Variants in SH3RF2 observed in about 807,000 individuals in gnomAD.
SH3RF2 encodes E3 ubiquitin-protein ligase SH3RF2.
SH3RF2 carries 43 observed loss-of-function variants against 59.0 expected under a neutral mutation model. The observed-to-expected ratio is 0.73, with a 90% CI of 0.57 to 0.94. SH3RF2 has a LOEUF of 0.94. SH3RF2 is among the 40% of genes least tolerant of loss of function. The probability of loss-of-function intolerance (pLI) is 0.00; values close to 1 mark genes in which losing one functional copy is unlikely to be tolerated. For missense variants in SH3RF2, 930 were observed against 940.1 expected (o/e 0.99, Z 0.14); for synonymous variants, 391 against 391.5 (o/e 1.00, Z 0.01).
At chr5:146,052,523 A>G (rs1762535844) in intron 7 of SH3RF2, among the ~76,000 whole-genome samples, 1 of 152,188 alleles carries the variant, frequency 6.6e-6, no homozygotes, top group African/African-American at 2.4e-5. Flanking sequence ...ACATTGAGGC[A>G]TGGTTTTGTT....
chr5:146,069,831 C>T (rs1176785690), intron 9 of SH3RF2, among the ~76,000 whole-genome samples: 1 of 152,108 alleles, frequency 6.6e-6, no homozygotes, highest in African/African-American at 2.4e-5. Context: ...GCCTCACCCT[C>T]CCAAAGTGCT....
At chr5:145,981,484 C>T (rs921253828) in intron 2 of SH3RF2, among the ~76,000 whole-genome samples, 28 of 152,298 alleles carry the variant, frequency 1.8e-4, no homozygotes, top group African/African-American at 6.7e-4. Context: ...TCCTAAATCT[C>T]TTAAGCTCTA....
Position 145,985,028 on chromosome 5 carries a change from T to C in SH3RF2, c.379-15030T>C, listed in dbSNP as rs538164057. ...AAAATTAGCTGAGCATGGTGGCACA[T>C]GCCTATAGCCCCAGCTATTTGGGAG... On this transcript the variant is annotated intron_variant, in intron 2 of 9. Coordinates refer to ENST00000359120, the MANE Select transcript of SH3RF2 (RefSeq NM_152550.4). 2.0e-5 allele frequency among the ~76,000 whole-genome samples: 3 copies of C among 152,286 alleles called. No homozygotes were observed. In the South Asian group the frequency reaches 6.2e-4, roughly 32 times the overall value.
At position 146,056,179 on chromosome 5, in the gene SH3RF2, G is replaced by C. The variant is rs145875307; in HGVS notation, c.1521G>C (p.Gly507=). Residue 507 remains glycine, a synonymous_variant, in exon 8 of 10, where the codon GGG becomes GGC. Transcript: ENST00000359120. ...STAGPGTLGQ[G]SLRKGRSSMR... ...CCGGCCCTGGGACTTTAGGACAAGG[G>C]TCTCTTCGGAAAGGGCGGAGCAGCA... 3.5e-5 allele frequency: 57 copies of C among 1,614,106 alleles called. No individual in the cohort carries two copies. The African/African-American group carries it at 7.1e-4, about 20-fold the overall frequency.
intron 2 of SH3RF2, among the ~76,000 whole-genome samples, chr5:145,973,453 C>T (rs1259105017): frequency 6.6e-6 from 1 of 152,188 alleles, no homozygotes; most frequent in Non-Finnish European, 1.5e-5. Context: ...TCTTTTGAGG[C>T]TCTTTCACTC....
rs148982005 is a variant in SH3RF2 at position 145,976,720 on chromosome 5, C to T, written c.379-23338C>T. On this transcript the variant is annotated intron_variant, in intron 2 of 9. Transcript: ENST00000359120. Reference sequence around the variant, plus strand: ...CTTAGCCACTGTCACATAGTTAGCCCAGGCAAGACTAAAACATGATACAAA... The same window carrying T: ...CTTAGCCACTGTCACATAGTTAGCCTAGGCAAGACTAAAACATGATACAAA... Among the ~76,000 whole-genome samples the T allele has an allele frequency of 4.3e-3, 652 of 152,304 alleles. 4 individuals are homozygous for T. Among genetic ancestry groups the T allele is most frequent in the African/African-American group, 0.015 (629 of 41,570 alleles).
intron 5 of SH3RF2, among the ~76,000 whole-genome samples, chr5:146,019,443 T>C (rs1282471499): frequency 6.6e-6 from 1 of 152,198 alleles, no homozygotes; most frequent in African/African-American, 2.4e-5. Context: ...TATTTCTGGG[T>C]TCTCTATTCT....
chr5:146,019,241 C>A (rs6872997), intron 5 of SH3RF2, among the ~76,000 whole-genome samples: 38 of 151,888 alleles, frequency 2.5e-4, no homozygotes, highest in Non-Finnish European at 3.7e-4. Flanking sequence ...TTATGGTTTC[C>A]GGTCTTAGAT....
At chr5:145,988,995 A>G (rs11958598) in intron 2 of SH3RF2, among the ~76,000 whole-genome samples, 3,230 of 152,300 alleles carry the variant, frequency 0.021, 63 homozygotes, top group Non-Finnish European at 0.034. Flanking sequence ...CAGCAACTAC[A>G]AAGTTAGGGT....
chr5:145,992,266 T>C (rs1759968660), intron 2 of SH3RF2, among the ~76,000 whole-genome samples: 2 of 152,072 alleles, frequency 1.3e-5, no homozygotes, highest in African/African-American at 4.8e-5. Context: ...TCACAGCTAC[T>C]TGGGGGGCTG....
intron 2 of SH3RF2, among the ~76,000 whole-genome samples, chr5:145,940,745 T>C (rs1757785124): frequency 6.6e-6 from 1 of 152,250 alleles, no homozygotes; most frequent in South Asian, 2.1e-4. Flanking sequence ...AAGCCACTTA[T>C]GTTTGCTGGG....
At chr5:146,078,086 TA>T (rs923238812) in intron 9 of SH3RF2, among the ~76,000 whole-genome samples, 1 of 151,916 alleles carries the variant, frequency 6.6e-6, no homozygotes, top group Middle Eastern at 3.2e-3. Flanking sequence ...ATTATGGAAT[TA>T]AAAAAAATAA....
At position 145,997,184 on chromosome 5, in the gene SH3RF2, T is replaced by C. The variant is rs1452829533; in HGVS notation, c.379-2874T>C. 5.3e-6 allele frequency: 4 copies of C among 756,672 alleles called. 1 individual carries two copies. The highest frequency in any genetic ancestry group is 3.0e-5 in the South Asian group (2 of 66,052). The allele number at this position is 756,672 out of a possible 1,614,324, so 46.9% of individuals were successfully genotyped here. A position where few individuals can be genotyped will look rare whatever the true frequency, so the allele number is the denominator to read the frequency against. On this transcript the variant is annotated intron_variant, in intron 2 of 9. Coordinates refer to ENST00000359120, the MANE Select transcript of SH3RF2 (RefSeq NM_152550.4). ...TCCTCATTCTCCCCAGCATTTACCA[T>C]TGTCAATGTCTCAGATTTTCACCCT...
At chr5:146,036,181 C>G (rs1417102961) in intron 5 of SH3RF2, among the ~76,000 whole-genome samples, 7 of 152,174 alleles carry the variant, frequency 4.6e-5, no homozygotes, top group Non-Finnish European at 1.0e-4. Context: ...GAGTACCCAT[C>G]CCATCACACT....
intron 2 of SH3RF2, among the ~76,000 whole-genome samples, chr5:145,965,534 T>A (rs955817980): frequency 2.0e-5 from 3 of 152,194 alleles, no homozygotes; most frequent in Admixed American, 2.0e-4. Context: ...AAAGTTGAAG[T>A]TCAGTTATAT....
chr5:146,038,219 AC>A (rs1762009262), intron 5 of SH3RF2, among the ~76,000 whole-genome samples: 1 of 152,246 alleles, frequency 6.6e-6, no homozygotes, highest in East Asian at 1.9e-4. Flanking sequence ...TCAGTGGCAA[AC>A]ATCATACTTA....
chr5:146,001,734 T>C (rs1490592096), intron 3 of SH3RF2, among the ~76,000 whole-genome samples: 2 of 152,186 alleles, frequency 1.3e-5, no homozygotes, highest in African/African-American at 4.8e-5. Flanking sequence ...AAGCTGGCCA[T>C]TGGAGATAAA....
At chr5:146,025,061 A>C (rs1319599691) in intron 5 of SH3RF2, among the ~76,000 whole-genome samples, 1 of 152,212 alleles carries the variant, frequency 6.6e-6, no homozygotes, top group Non-Finnish European at 1.5e-5. Flanking sequence ...TTTATGCCAC[A>C]ATTCTTCCAT....
intron 2 of SH3RF2, among the ~76,000 whole-genome samples, chr5:145,967,859 C>T (rs1013091983): frequency 1.3e-5 from 2 of 152,092 alleles, no homozygotes; most frequent in African/African-American, 4.8e-5. Context: ...AGGGTTTCAC[C>T]ATGTTGGCCA....
Sources: gnomAD v4.1 joint callset for allele counts (sites outside exome capture counted in the v4.1 genomes callset) on GRCh38, gnomAD v4.1.1 for gene constraint, MANE v1.5 for transcripts, NCBI Gene and HGNC (gene_info 2026-07-23, HGNC 2026-07-21) for gene names.